The following CHN1 variants were observed in gnomAD, a reference collection of about 807,000 sequenced individuals.
CHN1 encodes N-chimaerin.
In CHN1, 37 loss-of-function variants were observed where a neutral mutation model predicts 59.5. The ratio of observed to expected loss-of-function variants is 0.62; its 90% CI spans 0.48 to 0.82. The LOEUF (loss-of-function observed/expected upper bound fraction) is 0.82, where lower values mean the gene tolerates loss of function less well. CHN1 is among the 40% of genes least tolerant of loss of function. CHN1 has a pLI of 0.00. For synonymous variants in CHN1, 206 were observed against 200.4 expected, an observed-to-expected ratio of 1.03 and a Z score of -0.24; for missense variants, 469 against 571.0, an observed-to-expected ratio of 0.82 and a Z score of 1.82.
At chr2:174,847,587 G>A in intron 6 of CHN1, 1 of 1,299,224 alleles carries the variant, frequency 7.7e-7, no homozygotes, top group Non-Finnish European at 1.0e-6. Context: ...ACCCTATGAA[G>A]CCCCTAGCAG....
In CHN1 at chr2:174,808,912, T is replaced by C; in HGVS notation, c.1095A>G (p.Glu365=). The C allele has an allele frequency of 5.0e-6, 8 of 1,613,670 alleles. No individual in the cohort carries two copies. The highest frequency in any genetic ancestry group is 1.7e-4 in the Middle Eastern group (1 of 6,058). Residue 365 remains glutamate, a synonymous_variant, in exon 11 of 13, where the codon GAA becomes GAG. Coordinates refer to ENST00000409900, the MANE Select transcript of CHN1 (RefSeq NM_001822.7). ...ITYDAYPKFI[E]SAKIMDPDEQ... ...ACATGCATTCATACTTACTGGCAGA[T>C]TCTATAAACTTAGGGTAGGCATCAT... is the stretch of plus-strand genomic sequence containing the variant.
chr2:174,954,003 G>T (rs1160906690), intron 1 of CHN1, among the ~76,000 whole-genome samples: 1 of 152,044 alleles, frequency 6.6e-6, no homozygotes, highest in Non-Finnish European at 1.5e-5. Flanking sequence ...TATGCAAAAA[G>T]AACAAATCTG....
chr2:174,952,035 T>C, intron 2 of CHN1, 129 bp downstream of exon 2: 1 of 558,866 alleles, frequency 1.8e-6, no homozygotes, highest in East Asian at 3.5e-5. Flanking sequence ...TCTATGCTAC[T>C]CCCAAACCTT....
intron 1 of CHN1, among the ~76,000 whole-genome samples, chr2:174,955,669 TA>T (rs1486140157): frequency 6.6e-6 from 1 of 151,146 alleles, no homozygotes; most frequent in Non-Finnish European, 1.5e-5. Flanking sequence ...AAAAATAAAA[TA>T]AAATAAAATG....
chr2:174,844,223 T>G (rs1686421565), intron 7 of CHN1, among the ~76,000 whole-genome samples: 1 of 150,430 alleles, frequency 6.6e-6, no homozygotes, highest in African/African-American at 2.4e-5. Context: ...GAGACCATGT[T>G]ACATAACATA....
At chr2:174,885,914 A>T (rs967780643) in intron 5 of CHN1, among the ~76,000 whole-genome samples, 8 of 152,250 alleles carry the variant, frequency 5.3e-5, no homozygotes, top group African/African-American at 1.7e-4. Context: ...AGTATTTTAC[A>T]TGCATTCCAA....
chr2:174,853,226 A>C (rs979004138), intron 6 of CHN1, among the ~76,000 whole-genome samples: 1 of 152,224 alleles, frequency 6.6e-6, no homozygotes, highest in Admixed American at 6.5e-5. Context: ...AGTCTATAAC[A>C]ATCTATAACA....
At chr2:174,876,627 C>T (rs1157341673) in intron 6 of CHN1, among the ~76,000 whole-genome samples, 11 of 152,046 alleles carry the variant, frequency 7.2e-5, no homozygotes, top group Non-Finnish European at 1.5e-4. Flanking sequence ...TTGTTTTCTC[C>T]GTAGCAACAA....
At chr2:174,857,955 A>G (rs994241430) in intron 6 of CHN1, among the ~76,000 whole-genome samples, 1 of 152,162 alleles carries the variant, frequency 6.6e-6, no homozygotes, top group African/African-American at 2.4e-5. Flanking sequence ...AAAAAATACA[A>G]CTAAAAGGCA....
chr2:174,920,017 G>A (rs1318111955), intron 3 of CHN1, among the ~76,000 whole-genome samples: 1 of 152,032 alleles, frequency 6.6e-6, no homozygotes, highest in East Asian at 1.9e-4. Flanking sequence ...AACATGTTTA[G>A]ATTCCACAAG....
In CHN1 at chr2:175,005,139, C is replaced by T; in HGVS notation, c.-227G>A. The T allele has an allele frequency of 7.7e-7, 1 of 1,299,258 alleles. No individual in the cohort carries two copies. The highest frequency in any genetic ancestry group is 1.9e-5 in the South Asian group (1 of 53,910). 80.5% of individuals were successfully genotyped at this position (1,299,258 alleles called of 1,614,324 possible). A position where few individuals can be genotyped will look rare whatever the true frequency, so the allele number is the denominator to read the frequency against. ...GGCGCACCGGGCCCAGGGAGCCCCG[C>T]TAGCTCTCCGCGAGCCGGCACTTGT... On this transcript the variant is annotated 5_prime_UTR_variant, in exon 1 of 13. It removes the in-frame stop codon of an upstream open reading frame in the 5' UTR. Transcript: ENST00000409900.
intron 6 of CHN1, among the ~76,000 whole-genome samples, chr2:174,857,910 C>A (rs1450744828): frequency 6.6e-6 from 1 of 152,058 alleles, no homozygotes; most frequent in African/African-American, 2.4e-5. Flanking sequence ...AACATTTTCA[C>A]TTTTTCAAAA....
intron 10 of CHN1, chr2:174,811,218 T>C (rs999082942): frequency 8.2e-6 from 2 of 243,610 alleles, no homozygotes; most frequent in Non-Finnish European, 1.6e-5. Context: ...CTTTTCTCTA[T>C]CATTTTTGGT....
intron 5 of CHN1, among the ~76,000 whole-genome samples, chr2:174,896,063 A>AT (rs1688209067): frequency 6.6e-6 from 1 of 151,996 alleles, no homozygotes; most frequent in Non-Finnish European, 1.5e-5. Flanking sequence ...TTGGGCTTCA[A>AT]TTTTTTTAAA....
At chr2:174,916,536 G>A (rs761587096) in intron 4 of CHN1, among the ~76,000 whole-genome samples, 8 of 152,152 alleles carry the variant, frequency 5.3e-5, no homozygotes, top group Non-Finnish European at 1.2e-4. Context: ...AATTTGGAAT[G>A]ATACATTTAA....
intron 1 of CHN1, among the ~76,000 whole-genome samples, chr2:175,002,041 C>T (rs1219751293): frequency 3.3e-5 from 5 of 152,204 alleles, no homozygotes; most frequent in Admixed American, 6.5e-5. Context: ...GGTGCATTCG[C>T]TATAGTTCTA....
At position 174,849,972 on chromosome 2, in the gene CHN1, A is replaced by G. The variant is rs368447075; in HGVS notation, c.550-3015T>C. ...CCTTCTTTCAATTTTGAGGAGTAGGAATAGATGGTAAGACAGACTAGCAGT... is the reference window on the plus strand; with the variant it reads ...CCTTCTTTCAATTTTGAGGAGTAGGGATAGATGGTAAGACAGACTAGCAGT... On this transcript the variant is annotated intron_variant, in intron 6 of 12. Transcript: ENST00000409900. 5.8e-4 allele frequency among the ~76,000 whole-genome samples: 88 copies of G among 152,346 alleles called. No individual in the cohort carries two copies. The South Asian group carries it at 0.017, about 29-fold the overall frequency.
At chr2:174,956,116 T>C (rs1014029049) in intron 1 of CHN1, among the ~76,000 whole-genome samples, 7 of 152,146 alleles carry the variant, frequency 4.6e-5, no homozygotes, top group African/African-American at 7.2e-5. Context: ...AACTTTTCCA[T>C]TGGAGAATAA....
intron 1 of CHN1, among the ~76,000 whole-genome samples, chr2:174,961,746 C>T (rs1454290082): frequency 2.0e-5 from 3 of 152,040 alleles, no homozygotes; most frequent in Admixed American, 2.0e-4. Context: ...TAGCCTAATA[C>T]AAGACAGCTG....
Sources: gnomAD v4.1 joint callset for allele counts (sites outside exome capture counted in the v4.1 genomes callset) on GRCh38, gnomAD v4.1.1 for gene constraint, MANE v1.5 for transcripts, NCBI Gene and HGNC (gene_info 2026-07-23, HGNC 2026-07-21) for gene names.